Variants in TBC1D5 observed in about 807,000 individuals in gnomAD.
The protein encoded by TBC1D5 is TBC1 domain family member 5.
In TBC1D5, 75 loss-of-function variants were observed where a neutral mutation model predicts 100.3. That is an observed-to-expected ratio of 0.75 (90% CI 0.62 to 0.91). The LOEUF (loss-of-function observed/expected upper bound fraction) is 0.91. TBC1D5 is among the 40% of genes least tolerant of loss of function. The pLI is 0.00. For missense variants in TBC1D5, 910 were observed against 942.4 expected (o/e 0.97, Z 0.45); for synonymous variants, 323 against 325.6 (o/e 0.99, Z 0.09).
At chr3:17,475,896 G>A (rs556543945) in intron 3 of TBC1D5, among the ~76,000 whole-genome samples, 2 of 152,122 alleles carry the variant, frequency 1.3e-5, no homozygotes, top group East Asian at 1.9e-4. Context: ...CAGAGCTCAC[G>A]TTTCTTCACA....
chr3:17,428,431 A>ATG lies in TBC1D5; in HGVS notation c.167+18_167+19insCA, dbSNP rs1471771382. The ATG allele has an allele frequency of 8.4e-6, 6 of 714,254 alleles. No individual in the cohort carries two copies. The highest frequency in any genetic ancestry group is 7.6e-5 in the African/African-American group (4 of 52,528). The allele number at this position is 714,254 out of a possible 1,614,324, so 44.2% of individuals were successfully genotyped here. ...TGTGTGTATATATATATATATATAT[A>ATG]TATGTATTCATCACCTACCTATAGG... On this transcript the variant is annotated intron_variant, in intron 4 of 21. Coordinates refer to ENST00000253692, the Ensembl canonical transcript of TBC1D5.
chr3:17,438,435 GT>G (rs1229485558), intron 3 of TBC1D5, among the ~76,000 whole-genome samples: 1 of 152,054 alleles, frequency 6.6e-6, no homozygotes. Flanking sequence ...CATGGGGGTG[GT>G]TTTCCCCATC....
At chr3:17,612,815 CG>C (rs2061785461) in intron 2 of TBC1D5, among the ~76,000 whole-genome samples, 2 of 143,756 alleles carry the variant, frequency 1.4e-5, no homozygotes, top group Admixed American at 6.9e-5. Flanking sequence ...AAAATGAACA[CG>C]AAAAAAAAAC....
chr3:17,356,975 G>C (rs1053970483), intron 13 of TBC1D5, among the ~76,000 whole-genome samples: 1 of 141,384 alleles, frequency 7.1e-6, no homozygotes, highest in Non-Finnish European at 1.5e-5. Flanking sequence ...GTTGTGGGGA[G>C]ATAATCACTG....
chr3:17,502,097 C>A (rs1250167570), intron 3 of TBC1D5, among the ~76,000 whole-genome samples: 5 of 149,606 alleles, frequency 3.3e-5, no homozygotes, highest in Non-Finnish European at 7.4e-5. Flanking sequence ...CTCTTCCTGT[C>A]TTTGCTCTAC....
intron 1 of TBC1D5, among the ~76,000 whole-genome samples, chr3:17,698,828 T>G (rs1393476210): frequency 4.8e-5 from 7 of 146,140 alleles, no homozygotes; most frequent in East Asian, 2.1e-4. Context: ...GAAATGCAAA[T>G]CAAAACCACA....
chr3:17,174,258 T>C (rs779127861), intron 19 of TBC1D5, among the ~76,000 whole-genome samples: 19 of 152,172 alleles, frequency 1.2e-4, no homozygotes, highest in Non-Finnish European at 1.8e-4. Context: ...TTCCTGAAAC[T>C]GCACTGTTCT....
chr3:17,644,506 C>A (rs563676178), intron 1 of TBC1D5, among the ~76,000 whole-genome samples: 1 of 152,108 alleles, frequency 6.6e-6, no homozygotes, highest in African/African-American at 2.4e-5. Context: ...CAGTGCCTGG[C>A]ACATAACAAA....
At chr3:17,630,611 A>G (rs901303779) in intron 1 of TBC1D5, among the ~76,000 whole-genome samples, 1 of 152,168 alleles carries the variant, frequency 6.6e-6, no homozygotes, top group African/African-American at 2.4e-5. Context: ...TCCCTGAGAT[A>G]TGACAATACT....
At chr3:17,549,617 C>T (rs185638121) in intron 2 of TBC1D5, among the ~76,000 whole-genome samples, 9 of 152,192 alleles carry the variant, frequency 5.9e-5, no homozygotes, top group South Asian at 2.1e-4. Flanking sequence ...ACTTCAGTCA[C>T]CCATTCAATA....
intron 3 of TBC1D5, among the ~76,000 whole-genome samples, chr3:17,477,933 A>G (rs1163153748): frequency 6.6e-6 from 1 of 152,098 alleles, no homozygotes; most frequent in Non-Finnish European, 1.5e-5. Flanking sequence ...GAATACTTGT[A>G]TTGTCTTTTT....
At chr3:17,445,783 A>T (rs2094776996) in intron 3 of TBC1D5, among the ~76,000 whole-genome samples, 1 of 152,246 alleles carries the variant, frequency 6.6e-6, no homozygotes, top group African/African-American at 2.4e-5. Flanking sequence ...AACACAGTAT[A>T]TATAGGGTTC....
chr3:17,660,568 G>A (rs926256213), intron 1 of TBC1D5, among the ~76,000 whole-genome samples: 27 of 152,172 alleles, frequency 1.8e-4, no homozygotes, highest in African/African-American at 5.8e-4. Flanking sequence ...CTCCAATAAT[G>A]AGAAAAATTC....
intron 2 of TBC1D5, among the ~76,000 whole-genome samples, chr3:17,535,989 T>C (rs1421113461): frequency 6.6e-6 from 1 of 152,142 alleles, no homozygotes; most frequent in African/African-American, 2.4e-5. Flanking sequence ...ACTAAAACTA[T>C]GTCAAAGATG....
At chr3:17,407,632 A>C (rs1457688491) in intron 4 of TBC1D5, among the ~76,000 whole-genome samples, 3 of 152,150 alleles carry the variant, frequency 2.0e-5, no homozygotes, top group Non-Finnish European at 4.4e-5. Context: ...TGTACACAAA[A>C]ATTTCAAAAC....
chr3:17,679,987 T>C (rs377009725), intron 1 of TBC1D5, among the ~76,000 whole-genome samples: 12 of 151,440 alleles, frequency 7.9e-5, no homozygotes, highest in African/African-American at 2.2e-4. Flanking sequence ...AACTTCCTTA[T>C]GGAGCAGCAC....
At chr3:17,714,267 T>C (rs1236045267) in intron 1 of TBC1D5, among the ~76,000 whole-genome samples, 1 of 152,174 alleles carries the variant, frequency 6.6e-6, no homozygotes, top group Non-Finnish European at 1.5e-5. Context: ...TAATAACCCA[T>C]AGATGCCTGA....
intron 1 of TBC1D5, among the ~76,000 whole-genome samples, chr3:17,725,173 T>C (rs888355490): frequency 5.3e-5 from 8 of 152,206 alleles, no homozygotes; most frequent in Non-Finnish European, 1.2e-4. Context: ...TATAATTTAC[T>C]GTGAACTAAT....
chr3:17,330,550 C>T (rs2086739169), intron 13 of TBC1D5, among the ~76,000 whole-genome samples: 1 of 152,132 alleles, frequency 6.6e-6, no homozygotes, highest in Non-Finnish European at 1.5e-5. Context: ...ACGGTTCTTA[C>T]TCAGCAGTCT....
Sources: gnomAD v4.1 joint callset for allele counts (sites outside exome capture counted in the v4.1 genomes callset) on GRCh38, gnomAD v4.1.1 for gene constraint, MANE v1.5 for transcripts, NCBI Gene and HGNC (gene_info 2026-07-23, HGNC 2026-07-21) for gene names.